TMTC1: variants seen among roughly 807,000 people sequenced by gnomAD.
The protein encoded by TMTC1 is protein O-mannosyl-transferase TMTC1.
TMTC1 carries 73 observed loss-of-function variants against 104.8 expected under a neutral mutation model. The ratio of observed to expected loss-of-function variants is 0.70; its 90% CI spans 0.58 to 0.85. The LOEUF (loss-of-function observed/expected upper bound fraction) is 0.85, where lower values mean the gene tolerates loss of function less well. Ranked by LOEUF, TMTC1 falls within the 40% of genes least tolerant of loss-of-function variation. The probability of loss-of-function intolerance (pLI) is 0.00; values close to 1 mark genes in which losing one functional copy is unlikely to be tolerated. For synonymous variants in TMTC1, 434 were observed against 428.7 expected (o/e 1.01, Z -0.15); for missense variants, 1,035 against 1,096.1 (o/e 0.94, Z 0.79).
At chr12:29,638,601 G>C (rs1046102538) in intron 5 of TMTC1, among the ~76,000 whole-genome samples, 1 of 152,174 alleles carries the variant, frequency 6.6e-6, no homozygotes, top group Non-Finnish European at 1.5e-5. Flanking sequence ...GCCTGCAGAC[G>C]GCAAAGCTGA....
intron 5 of TMTC1, among the ~76,000 whole-genome samples, chr12:29,643,507 T>TA: frequency 6.0e-5 from 3 of 50,084 alleles, no homozygotes; most frequent in Non-Finnish European, 1.1e-4. Context: ...TATTATATAT[T>TA]TTATATATAA....
intron 5 of TMTC1, among the ~76,000 whole-genome samples, chr12:29,746,014 AT>A (rs1320033743): frequency 6.6e-6 from 1 of 152,232 alleles, no homozygotes; most frequent in Non-Finnish European, 1.5e-5. Context: ...GGAAAAAGCT[AT>A]TAGCAGCAAT....
rs1449321308 is a variant in TMTC1 at position 29,512,103 on chromosome 12, C to T, written c.2448G>A (p.Val816=). 1 of 1,613,708 alleles carries T rather than the reference C, an allele frequency of 6.2e-7. No homozygotes were observed. Among genetic ancestry groups the T allele is most frequent in the East Asian group, 2.2e-5 (1 of 44,880 alleles). The change falls in exon 17 of 18, where the codon GTG becomes GTA. Residue 816 remains valine (V), a synonymous_variant. Coordinates refer to ENST00000539277, the MANE Select transcript of TMTC1 (RefSeq NM_001193451.2). Reference sequence around the variant, plus strand: ...CCTGTGCTTGGTCTGGGTTTAGTTGCACAGCCACTCTATAGCTCTAAATAA... The same window carrying T: ...CCTGTGCTTGGTCTGGGTTTAGTTGTACAGCCACTCTATAGCTCTAAATAA... The part of the protein sequence containing the change: ...DKAFESYRVA[V]QLNPDQAQAW...
chr12:29,517,748 C>T (rs1944030091), intron 13 of TMTC1, among the ~76,000 whole-genome samples, 177 bp from the exon 14 acceptor site: 4 of 152,032 alleles, frequency 2.6e-5, no homozygotes, highest in African/African-American at 9.7e-5. Flanking sequence ...CAGAGTCTCA[C>T]TCTGTCACCC....
At chr12:29,751,206 A>T (rs987176294) in intron 5 of TMTC1, among the ~76,000 whole-genome samples, 1 of 152,238 alleles carries the variant, frequency 6.6e-6, no homozygotes, top group African/African-American at 2.4e-5. Flanking sequence ...AAGAAAATAA[A>T]GACAGTCATG....
At chr12:29,565,182 G>C (rs1215956557) in intron 9 of TMTC1, among the ~76,000 whole-genome samples, 1 of 152,150 alleles carries the variant, frequency 6.6e-6, no homozygotes, top group East Asian at 1.9e-4. Flanking sequence ...GGCAGTCTGT[G>C]GGTAGGATTT....
rs1943542936 is a variant in TMTC1, at chr12:29,769,238, G to A, written c.303-1163C>T. On this transcript the variant is annotated intron_variant, in intron 1 of 17. Transcript: ENST00000539277. Reference sequence around the variant, plus strand: ...TTTATTTGGACATATGAATGCAAATGTCATAGTTACTAATAAACTCCATTT... The same window carrying A: ...TTTATTTGGACATATGAATGCAAATATCATAGTTACTAATAAACTCCATTT... Among the ~76,000 whole-genome samples the A allele has an allele frequency of 2.6e-5, 4 of 152,282 alleles. No individual in the cohort carries two copies. The South Asian group carries it at 6.2e-4, about 24-fold the overall frequency.
At chr12:29,616,189 C>T (rs545151614) in intron 6 of TMTC1, among the ~76,000 whole-genome samples, 5 of 152,078 alleles carry the variant, frequency 3.3e-5, no homozygotes, top group Non-Finnish European at 7.4e-5. Flanking sequence ...TTAGAGTAAC[C>T]TTACTTAATG....
intron 5 of TMTC1, among the ~76,000 whole-genome samples, chr12:29,709,270 C>A (rs949396096): frequency 6.6e-6 from 1 of 152,102 alleles, no homozygotes; most frequent in Non-Finnish European, 1.5e-5. Flanking sequence ...CCAGGTGTGA[C>A]CTTAAGCTAA....
rs551144114 is a variant in TMTC1, at chr12:29,661,073, G to C, written c.939-27737C>G. Among the ~76,000 whole-genome samples the C allele has an allele frequency of 3.9e-5, 6 of 152,084 alleles. No individual in the cohort carries two copies. In the South Asian group the frequency reaches 1.2e-3, roughly 32 times the overall value. On this transcript the variant is annotated intron_variant, in intron 5 of 17. Transcript: ENST00000539277. ...TGCTGCTGAGAGCCCAGGAGACCTC[G>C]GGCAAGTTTCCGAACCTCTTTGCAC... is the stretch of plus-strand genomic sequence containing the variant.
intron 2 of TMTC1, among the ~76,000 whole-genome samples, chr12:29,760,247 G>C (rs1565819554): frequency 6.6e-6 from 1 of 152,070 alleles, no homozygotes; most frequent in Non-Finnish European, 1.5e-5. Flanking sequence ...TGAATGAATG[G>C]ATACATATAA....
At chr12:29,754,364 G>A (rs1943165942) in intron 4 of TMTC1, among the ~76,000 whole-genome samples, 2 of 152,192 alleles carry the variant, frequency 1.3e-5, no homozygotes, top group Non-Finnish European at 2.9e-5. Flanking sequence ...GTAGGCACCA[G>A]TGGGCTGGAG....
In TMTC1 at chr12:29,504,518, C is replaced by G. The variant is rs558499127; in HGVS notation, c.*2328G>C. The G allele has an allele frequency of 1.3e-5, 2 of 152,108 alleles. No individual in the cohort carries two copies. Among genetic ancestry groups the G allele is most frequent in the East Asian group, 3.9e-4 (2 of 5,178 alleles). 9.4% of individuals were successfully genotyped at this position (152,108 alleles called of 1,614,324 possible). ...AACAAATAATTACTTTTTTAAAAAA[C>G]AGTGCTTACTTTTAGTGTTCAAAAG... On this transcript the variant is annotated 3_prime_UTR_variant, in exon 18 of 18. Coordinates refer to ENST00000539277, the MANE Select transcript of TMTC1 (RefSeq NM_001193451.2).
At chr12:29,748,777 G>A (rs913438393) in intron 5 of TMTC1, among the ~76,000 whole-genome samples, 13 of 152,182 alleles carry the variant, frequency 8.5e-5, no homozygotes, top group African/African-American at 3.1e-4. Flanking sequence ...TGGTTTGGAA[G>A]AGCTGACAAA....
chr12:29,605,894 A>G (rs1371247687), intron 6 of TMTC1, among the ~76,000 whole-genome samples: 1 of 151,864 alleles, frequency 6.6e-6, no homozygotes, highest in Admixed American at 6.6e-5. Flanking sequence ...TCCAATGTCT[A>G]TTGTTCCCGT....
At chr12:29,756,524 G>A (rs79708380) in intron 3 of TMTC1, among the ~76,000 whole-genome samples, 34,348 of 151,792 alleles carry the variant, frequency 0.23, 4,834 homozygotes, top group Non-Finnish European at 0.32. Context: ...TTTTCTTTTG[G>A]CTAAATTCAT....
chr12:29,643,965 TTACA>T lies in TMTC1; in HGVS notation c.939-10633_939-10630del, dbSNP rs1328801036. Among the ~76,000 whole-genome samples, 4 of 112,666 alleles carry T rather than the reference TTACA, an allele frequency of 3.6e-5. No individual in the cohort carries two copies. The East Asian group carries it at 6.9e-4, about 19-fold the overall frequency. The allele number at this position is 112,666 out of a possible 152,430, so 73.9% of individuals were successfully genotyped here. A position where few individuals can be genotyped will look rare whatever the true frequency, so the allele number is the denominator to read the frequency against. ...AATTTAAATATATATTTATATATAC[TTACA>T]TATAAATATATATAAATATATAATT... On this transcript the variant is annotated intron_variant, in intron 5 of 17. Transcript: ENST00000539277.
At chr12:29,741,180 A>T (rs1226914148) in intron 5 of TMTC1, among the ~76,000 whole-genome samples, 1 of 152,228 alleles carries the variant, frequency 6.6e-6, no homozygotes, top group Non-Finnish European at 1.5e-5. Flanking sequence ...CCATCATTGC[A>T]TTTGAGCTAA....
At chr12:29,573,100 T>C (rs1945726883) in intron 8 of TMTC1, among the ~76,000 whole-genome samples, 1 of 152,074 alleles carries the variant, frequency 6.6e-6, no homozygotes, top group African/African-American at 2.4e-5. Flanking sequence ...GCTTCCTCCT[T>C]GGTATTGCAC....
Sources: allele counts gnomAD v4.1 joint callset (sites outside exome capture counted in the v4.1 genomes callset), GRCh38; gene constraint gnomAD v4.1.1; transcripts MANE v1.5; gene names NCBI Gene and HGNC (gene_info 2026-07-23, HGNC 2026-07-21).